The following LRMDA variants were observed in gnomAD, a reference collection of about 807,000 sequenced individuals.
LRMDA encodes leucine rich melanocyte differentiation associated.
In LRMDA, 18 loss-of-function variants were observed where a neutral mutation model predicts 29.8. The observed-to-expected ratio is 0.60, with a 90% CI of 0.42 to 0.90. The LOEUF is 0.90. Ranked by LOEUF, LRMDA falls within the 40% of genes least tolerant of loss-of-function variation. The pLI is 0.00. For missense variants in LRMDA, 273 were observed against 273.9 expected, an observed-to-expected ratio of 1.00 and a Z score of 0.02; for synonymous variants, 125 against 109.4, an observed-to-expected ratio of 1.14 and a Z score of -0.89.
chr10:76,485,159 A>G (rs1842769448), intron 6 of LRMDA, among the ~76,000 whole-genome samples: 1 of 151,856 alleles, frequency 6.6e-6, no homozygotes, highest in African/African-American at 2.4e-5. Context: ...AGTTGGATTA[A>G]CATCTACCAT....
intron 5 of LRMDA, among the ~76,000 whole-genome samples, chr10:76,100,756 A>G (rs1849382734): frequency 6.6e-6 from 1 of 152,176 alleles, no homozygotes; most frequent in African/African-American, 2.4e-5. Context: ...TTAAGGGACA[A>G]GTAATTTTGA....
At chr10:76,221,718 C>T (rs1283163105) in intron 5 of LRMDA, among the ~76,000 whole-genome samples, 1 of 152,118 alleles carries the variant, frequency 6.6e-6, no homozygotes, top group Non-Finnish European at 1.5e-5. Context: ...GATTCAATGC[C>T]ATCCCCATCA....
At chr10:75,672,563 CCCCTT>C (rs1170985685) in intron 2 of LRMDA, among the ~76,000 whole-genome samples, 666 of 10,870 alleles carry the variant, frequency 0.061, 127 homozygotes, top group Non-Finnish European at 0.079. Context: ...CCCCTCCCCT[CCCCTT>C]CCCTTCCCTT....
At chr10:76,113,142 A>G (rs955717957) in intron 5 of LRMDA, among the ~76,000 whole-genome samples, 2 of 151,960 alleles carry the variant, frequency 1.3e-5, no homozygotes, top group South Asian at 2.1e-4. Context: ...TCCATACTCC[A>G]TGGAAAACAT....
chr10:76,353,484 C>G (rs1841203387), intron 6 of LRMDA, among the ~76,000 whole-genome samples: 1 of 152,018 alleles, frequency 6.6e-6, no homozygotes, highest in Admixed American at 6.6e-5. Flanking sequence ...TGACAAATAC[C>G]AGGGCTCTCC....
intron 2 of LRMDA, among the ~76,000 whole-genome samples, chr10:75,947,725 G>A (rs1846501039): frequency 6.6e-6 from 1 of 152,180 alleles, no homozygotes; most frequent in African/African-American, 2.4e-5. Context: ...TCAGTGCTTG[G>A]CACATAGTAG....
At chr10:75,581,578 A>G (rs546975987) in intron 2 of LRMDA, among the ~76,000 whole-genome samples, 2 of 152,154 alleles carry the variant, frequency 1.3e-5, no homozygotes, top group African/African-American at 4.8e-5. Context: ...ATATACCCAA[A>G]GGATTATAAG....
chr10:76,158,478 G>A (rs1283706466), intron 5 of LRMDA, among the ~76,000 whole-genome samples: 1 of 152,040 alleles, frequency 6.6e-6, no homozygotes, highest in African/African-American at 2.4e-5. Flanking sequence ...ATGGTCCTTT[G>A]TGATTTAGCT....
chr10:76,121,698 T>C (rs1170867019), intron 5 of LRMDA, among the ~76,000 whole-genome samples: 1 of 152,220 alleles, frequency 6.6e-6, no homozygotes, highest in Non-Finnish European at 1.5e-5. Flanking sequence ...GGACCAGATA[T>C]CCAGTATTAG....
chr10:75,687,805 G>T (rs1032604898), intron 2 of LRMDA, among the ~76,000 whole-genome samples: 1 of 152,184 alleles, frequency 6.6e-6, no homozygotes, highest in African/African-American at 2.4e-5. Flanking sequence ...AGGGGGTACT[G>T]CAGCTGGCAA....
chr10:76,415,356 GAAAGGTAGAT>G (rs1260827750), intron 6 of LRMDA, among the ~76,000 whole-genome samples: 1 of 152,202 alleles, frequency 6.6e-6, no homozygotes, highest in Non-Finnish European at 1.5e-5. Context: ...TCCATTTGGG[GAAAGGTAGAT>G]AAAGCTGGGT....
At chr10:75,782,811 A>G in intron 2 of LRMDA, 1 of 1,439,956 alleles carries the variant, frequency 6.9e-7, no homozygotes, top group South Asian at 1.5e-5. Context: ...ACTTGTTGAG[A>G]ACCTTTAGCC....
At chr10:75,885,339 G>T (rs965850232) in intron 2 of LRMDA, among the ~76,000 whole-genome samples, 1 of 152,130 alleles carries the variant, frequency 6.6e-6, no homozygotes, top group African/African-American at 2.4e-5. Flanking sequence ...TAACTGTTTC[G>T]GATGTGATCC....
At chr10:75,543,789 C>T (rs1315328552) in intron 2 of LRMDA, among the ~76,000 whole-genome samples, 1 of 152,140 alleles carries the variant, frequency 6.6e-6, no homozygotes, top group African/African-American at 2.4e-5. Context: ...ACCTCCTCTC[C>T]CTTCTCCCCT....
At chr10:75,686,936 C>T (rs940726925) in intron 2 of LRMDA, among the ~76,000 whole-genome samples, 11 of 152,144 alleles carry the variant, frequency 7.2e-5, no homozygotes, top group Non-Finnish European at 7.3e-5. Context: ...GATCTGTGAT[C>T]CATGAACTTT....
chr10:75,912,585 T>C (rs540449805), intron 2 of LRMDA, among the ~76,000 whole-genome samples: 1 of 152,274 alleles, frequency 6.6e-6, no homozygotes, highest in Admixed American at 6.5e-5. Context: ...GATATGTCTG[T>C]AGTTCAGGGT....
At chr10:75,858,578 T>C (rs910233136) in intron 2 of LRMDA, among the ~76,000 whole-genome samples, 1 of 152,218 alleles carries the variant, frequency 6.6e-6, no homozygotes, top group African/African-American at 2.4e-5. Context: ...GATTAGAGCT[T>C]AGCCAGCTGA....
intron 2 of LRMDA, among the ~76,000 whole-genome samples, chr10:75,989,598 A>G (rs551661854): frequency 1.3e-5 from 2 of 152,252 alleles, no homozygotes; most frequent in Non-Finnish European, 2.9e-5. Context: ...AACTGTATCA[A>G]TGACTGATAG....
intron 5 of LRMDA, among the ~76,000 whole-genome samples, chr10:76,125,780 G>T (rs778308072): frequency 6.6e-6 from 1 of 152,140 alleles, no homozygotes; most frequent in Admixed American, 6.5e-5. Context: ...TGACTGTCTC[G>T]ACCTCCTCAG....
Sources: allele counts gnomAD v4.1 joint callset (sites outside exome capture counted in the v4.1 genomes callset), GRCh38; gene constraint gnomAD v4.1.1; transcripts MANE v1.5; gene names NCBI Gene and HGNC (gene_info 2026-07-23, HGNC 2026-07-21).